UBA1: variants seen among roughly 807,000 people sequenced by gnomAD.
UBA1 encodes the protein ubiquitin-like modifier-activating enzyme 1.
A neutral mutation model predicts 84.7 loss-of-function variants in UBA1; 4 were observed. The ratio of observed to expected loss-of-function variants is 0.05; its 90% CI spans 0.02 to 0.11. The LOEUF (loss-of-function observed/expected upper bound fraction) is 0.11. Among genes scored for constraint, UBA1 ranks in the 10% least tolerant of loss-of-function variants. The pLI is 1.00. For missense variants in UBA1, 513 were observed against 902.8 expected (o/e 0.57, Z 5.53); for synonymous variants, 364 against 362.6 (o/e 1.00, Z -0.04).
chrX:47,200,919 T>C lies in UBA1; in HGVS notation c.506T>C (p.Leu169Pro), dbSNP rs1382275520. 8.3e-7 allele frequency: 1 copy of C among 1,200,572 alleles called. No individual in the cohort carries two copies. Residue 169 changes from leucine to proline, a missense_variant, in exon 6 of 26, where the codon CTG becomes CCG. Around this residue, in one of 6 missense-constraint regions of UBA1, gnomAD observed 227 missense variants for 339.1 expected, o/e 0.67. Coordinates refer to ENST00000335972, the MANE Select transcript of UBA1 (RefSeq NM_003334.4). ...GTGGTGGTGCTCACCAACACCCCCC[T>C]GGAGGACCAGCTGCGAGTGGGTGAG... is the stretch of plus-strand genomic sequence containing the variant. ...FQVVVLTNTPLEDQLRVGEFC... is the reference protein window; with the variant it reads ...FQVVVLTNTPPEDQLRVGEFC...
chrX:47,208,359 CCGTTA>C (rs1447608286), intron 16 of UBA1, among the ~76,000 whole-genome samples: 1 of 111,241 alleles, frequency 9.0e-6, no homozygotes, highest in Non-Finnish European at 1.9e-5. Flanking sequence ...GCACGCGTGC[CCGTTA>C]CGTTGACCAG....
intron 16 of UBA1, among the ~76,000 whole-genome samples, chrX:47,207,396 GA>G (rs1280457386): frequency 8.9e-6 from 1 of 111,882 alleles, no homozygotes; most frequent in Non-Finnish European, 1.9e-5. Context: ...AAAAATAAAA[GA>G]AAAAAAGATC....
At position 47,214,603 on chromosome X, in the gene UBA1, C is replaced by T; in HGVS notation, c.3007C>T (p.Pro1003Ser). 1 of 1,210,963 alleles carries T rather than the reference C, an allele frequency of 8.3e-7. No homozygotes were observed. The highest frequency in any genetic ancestry group is 1.1e-6 in the Non-Finnish European group (1 of 895,084). The stretch of plus-strand genomic sequence containing the variant: ...GTCCATGCTCTATTCCTTCTTCATG[C>T]CAGCTGCCAAGCTCAAGGAACGGTT... The part of the protein sequence containing the change: ...GVSMLYSFFM[P>S]AAKLKERLDQ... The change falls in exon 25 of 26, where the codon CCA (proline) becomes TCA (serine). Residue 1003 changes from proline (P) to serine (S), a missense_variant. By Grantham distance (74) the Pro-to-Ser change is moderately conservative. Transcript: ENST00000335972.
intron 6 of UBA1, 116 bp from the exon 7 acceptor site, chrX:47,201,160 C>G: frequency 2.4e-6 from 2 of 816,994 alleles, no homozygotes; most frequent in Non-Finnish European, 3.6e-6. Flanking sequence ...TACCATCTTA[C>G]ATCCCAGCAG....
chrX:47,205,823 C>A, intron 14 of UBA1, 125 bp from the exon 15 acceptor site: 1 of 837,768 alleles, frequency 1.2e-6, no homozygotes, highest in Non-Finnish European at 1.7e-6. Flanking sequence ...CACTGCATTC[C>A]AGCCTGTGTG....
intron 1 of UBA1, chrX:47,197,269 G>C (rs989946739): frequency 1.3e-6 from 1 of 753,777 alleles, no homozygotes; most frequent in Non-Finnish European, 1.6e-6. Flanking sequence ...GAGTGAATGG[G>C]GTTCTCTAAG....
At chrX:47,194,437 C>T (rs1320447768) in intron 1 of UBA1, among the ~76,000 whole-genome samples, 2 of 112,385 alleles carry the variant, frequency 1.8e-5, no homozygotes, top group African/African-American at 3.2e-5. Flanking sequence ...CTTTGAGACA[C>T]TTCCTAGCTT....
chrX:47,203,802 C>T (rs1936523208), intron 14 of UBA1, 106 bp downstream of exon 14: 1 of 872,828 alleles, frequency 1.1e-6, no homozygotes, highest in East Asian at 3.3e-5. Flanking sequence ...GGCTGTAGTG[C>T]AGTGGCGTGA....
intron 9 of UBA1, 49 bp from the exon 10 acceptor site, chrX:47,202,309 G>A: frequency 8.3e-7 from 1 of 1,208,766 alleles, no homozygotes; most frequent in East Asian, 3.0e-5. Context: ...GCATTCCCTA[G>A]TTCTCCATTC....
intron 16 of UBA1, among the ~76,000 whole-genome samples, chrX:47,208,324 C>A (rs868959650): frequency 1.9e-5 from 2 of 107,237 alleles, no homozygotes; most frequent in Non-Finnish European, 3.9e-5. Context: ...AGTGTGTGTA[C>A]GTGTGTGTGT....
At position 47,201,003 on chromosome X, in the gene UBA1, G is replaced by A. The variant is rs782499064; in HGVS notation, c.587+3G>A. 5.9e-6 allele frequency: 7 copies of A among 1,183,753 alleles called. No individual in the cohort carries two copies. The highest frequency in any genetic ancestry group is 6.8e-6 in the Non-Finnish European group (6 of 878,035). On this transcript the variant is annotated splice_donor_region_variant and intron_variant, in intron 6 of 25. Transcript: ENST00000335972. ...GCAGACACGCGGGGCCTGTTTGGGT[G>A]AGTGGCAGCCCACCTCCCTCCCTGT...
chrX:47,194,414 G>GC (rs1212143801), intron 1 of UBA1, among the ~76,000 whole-genome samples: 12 of 112,223 alleles, frequency 1.1e-4, no homozygotes, highest in Non-Finnish European at 1.9e-4. Context: ...TTAAAGACCT[G>GC]CCCCAGAATC....
chrX:47,204,273 G>A (rs1424718580), intron 14 of UBA1, among the ~76,000 whole-genome samples: 4 of 105,467 alleles, frequency 3.8e-5, no homozygotes, highest in East Asian at 3.0e-4. Context: ...GCATATAGTC[G>A]TGCTTGTGGC....
In UBA1 at chrX:47,203,681, G is replaced by T. The variant is rs1936510158; in HGVS notation, c.1560G>T (p.Arg520=). 5.0e-6 allele frequency: 6 copies of T among 1,207,887 alleles called. No homozygotes were observed. The highest frequency in any genetic ancestry group is 6.7e-6 in the Non-Finnish European group (6 of 894,614). Reference sequence around the variant, plus strand: ...ATCTGAATCGACAGTTTCTTTTCCGGCCCTGGGATGTCACGGTGAGTAGGG... The same window carrying T: ...ATCTGAATCGACAGTTTCTTTTCCGTCCCTGGGATGTCACGGTGAGTAGGG... The part of the protein sequence containing the change: ...KSNLNRQFLF[R]PWDVTKLKSD... The change falls in exon 14 of 26, where the codon CGG becomes CGT. Residue 520 remains arginine, a synonymous_variant. Transcript: ENST00000335972.
In UBA1 at chrX:47,202,805, A is replaced by C. The variant is rs1556788856; in HGVS notation, c.1224A>C (p.Glu408Asp). The change falls in exon 11 of 26, where the codon GAA becomes GAC. Residue 408 changes from glutamate (E) to aspartate (D), a missense_variant. This residue lies in a region of UBA1 where 227 missense variants were observed against 339.1 expected (regional missense o/e 0.67). Coordinates refer to ENST00000335972, the MANE Select transcript of UBA1 (RefSeq NM_003334.4). ...TCATTGGGGGCCTGGCTGCCCAGGAAGTCATGAAGGTCAGCACGGGTGGGG... is the reference window on the plus strand; with the variant it reads ...TCATTGGGGGCCTGGCTGCCCAGGACGTCATGAAGGTCAGCACGGGTGGGG... ...NAFIGGLAAQ[E>D]VMKACSGKFM... 1 of 1,206,067 alleles carries C rather than the reference A, an allele frequency of 8.3e-7. No homozygotes were observed. Among genetic ancestry groups the C allele is most frequent in the Non-Finnish European group, 1.1e-6 (1 of 893,026 alleles).
rs940206548 is a variant in UBA1 at position 47,210,893 on chromosome X, C to T, written c.2251C>T (p.Pro751Ser). The T allele has an allele frequency of 2.5e-6, 3 of 1,209,334 alleles. No individual in the cohort carries two copies. Among genetic ancestry groups the T allele is most frequent in the Admixed American group, 2.2e-5 (1 of 45,708 alleles). ...GTCTGGGCCCAAACGCTGTCCACAC[C>T]CGCTCACCTTTGATGTCAACAATGT... ...FWSGPKRCPHPLTFDVNNPLH... is the reference protein window; with the variant it reads ...FWSGPKRCPHSLTFDVNNPLH... The change falls in exon 19 of 26, where the codon CCG becomes TCG. Residue 751 changes from proline (P) to serine (S), a missense_variant. Coordinates refer to ENST00000335972, the MANE Select transcript of UBA1 (RefSeq NM_003334.4).
rs374003677 is a variant in UBA1, at chrX:47,212,784, A to G, written c.2567A>G (p.Asn856Ser). 8.3e-7 allele frequency: 1 copy of G among 1,209,350 alleles called. No individual in the cohort carries two copies. The highest frequency in any genetic ancestry group is 1.8e-5 in the African/African-American group (1 of 57,020). Reference sequence around the variant, plus strand: ...CACTCATAACAGGATGATGACAGCAACTTTCATATGGATTTCATCGTGGCT... The same window carrying G: ...CACTCATAACAGGATGATGACAGCAGCTTTCATATGGATTTCATCGTGGCT... ...PIDFEKDDDSNFHMDFIVAAS... is the reference protein window; with the variant it reads ...PIDFEKDDDSSFHMDFIVAAS... Residue 856 changes from asparagine to serine, a missense_variant, in exon 22 of 26, where the codon AAC (asparagine) becomes AGC (serine). Physicochemically the swap from Asn to Ser is conservative, Grantham distance 46. Coordinates refer to ENST00000335972, the MANE Select transcript of UBA1 (RefSeq NM_003334.4).
At chrX:47,211,745 GC>G (rs1172494494) in intron 20 of UBA1, among the ~76,000 whole-genome samples, 24 of 98,352 alleles carry the variant, frequency 2.4e-4, no homozygotes, top group African/African-American at 8.9e-4. Context: ...GCTCTGTAAC[GC>G]CCCCTACATT....
intron 13 of UBA1, 136 bp downstream of exon 13, chrX:47,203,350 G>A: frequency 1.2e-6 from 1 of 849,503 alleles, no homozygotes; most frequent in Non-Finnish European, 1.7e-6. Flanking sequence ...GAAGCCCAGT[G>A]CATCCCTCGT....
Sources: gnomAD v4.1 joint callset for allele counts (sites outside exome capture counted in the v4.1 genomes callset) on GRCh38, gnomAD v4.1.1 for gene constraint, gnomAD v4.1.1 regional missense constraint, MANE v1.5 for transcripts, NCBI Gene and HGNC (gene_info 2026-07-23, HGNC 2026-07-21) for gene names.